Variants in PRCP observed in about 807,000 individuals in gnomAD.
The protein encoded by PRCP is prolylcarboxypeptidase.
A neutral mutation model predicts 54.2 loss-of-function variants in PRCP; 46 were observed. The observed-to-expected ratio is 0.85, with a 90% CI of 0.67 to 1.09. The LOEUF is 1.09. Ranked by LOEUF, PRCP falls within the 50% of genes least tolerant of loss-of-function variation. PRCP has a pLI of 0.00. For synonymous variants in PRCP, 240 were observed against 212.2 expected (o/e 1.13, Z -1.14); for missense variants, 613 against 596.8 (o/e 1.03, Z -0.28).
intron 1 of PRCP, among the ~76,000 whole-genome samples, chr11:82,890,897 C>G (rs1022680499): frequency 6.6e-5 from 10 of 152,248 alleles, no homozygotes; most frequent in African/African-American, 2.4e-4. Flanking sequence ...ACTGTTCCTT[C>G]TCAGTCTCCT....
chr11:82,889,045 T>C (rs1024762116), intron 1 of PRCP, among the ~76,000 whole-genome samples: 8 of 121,916 alleles, frequency 6.6e-5, no homozygotes, highest in Admixed American at 2.5e-4. Flanking sequence ...ATTTGACCAA[T>C]CACACACTGT....
At chr11:82,899,282 G>C (rs1042954189) in intron 1 of PRCP, among the ~76,000 whole-genome samples, 3 of 152,164 alleles carry the variant, frequency 2.0e-5, no homozygotes, top group African/African-American at 7.2e-5. Flanking sequence ...CTAAGAGTAC[G>C]TTATCTGCTC....
At chr11:82,839,193 A>C in intron 7 of PRCP, 68 bp downstream of exon 7, 2 of 1,498,838 alleles carry the variant, frequency 1.3e-6, no homozygotes, top group Non-Finnish European at 1.8e-6. Flanking sequence ...GTGTACCCTG[A>C]TTTTTTTTTA....
intron 1 of PRCP, among the ~76,000 whole-genome samples, chr11:82,877,011 G>C (rs994625422): frequency 6.6e-6 from 1 of 152,214 alleles, no homozygotes; most frequent in Non-Finnish European, 1.5e-5. Context: ...GAACAACAAG[G>C]TCCAGGCTGA....
At chr11:82,879,431 A>C (rs935480548) in intron 1 of PRCP, among the ~76,000 whole-genome samples, 15 of 152,188 alleles carry the variant, frequency 9.9e-5, no homozygotes, top group African/African-American at 3.4e-4. Context: ...CCATTCGTCT[A>C]ATCTTTTTTC....
intron 2 of PRCP, among the ~76,000 whole-genome samples, chr11:82,857,150 G>A (rs7128287): frequency 0.12 from 17,760 of 151,580 alleles, 1,987 homozygotes; most frequent in African/African-American, 0.3. Flanking sequence ...AAAAGAGAAA[G>A]CAAAACAAAC....
At chr11:82,874,640 G>A (rs1317473998) in intron 1 of PRCP, among the ~76,000 whole-genome samples, 1 of 148,986 alleles carries the variant, frequency 6.7e-6, no homozygotes, top group African/African-American at 2.5e-5. Flanking sequence ...GCAATGAACT[G>A]TGATCACACC....
At chr11:82,854,604 T>C (rs765937625) in intron 2 of PRCP, among the ~76,000 whole-genome samples, 15 of 152,174 alleles carry the variant, frequency 9.9e-5, no homozygotes, top group Non-Finnish European at 2.1e-4. Flanking sequence ...GATTCAATAC[T>C]ATTGCTATCA....
At chr11:82,844,747 A>AAAAGAAAGAAAGAAAG (rs60498077) in intron 6 of PRCP, among the ~76,000 whole-genome samples, 4 of 136,096 alleles carry the variant, frequency 2.9e-5, no homozygotes, top group Non-Finnish European at 4.6e-5. Flanking sequence ...AAAAAAAAAA[A>AAAAGAAAGAAAGAAAG]AAAGAAAGAA....
intron 1 of PRCP, among the ~76,000 whole-genome samples, chr11:82,876,670 A>G (rs1312316457): frequency 2.6e-5 from 4 of 152,158 alleles, no homozygotes; most frequent in Non-Finnish European, 5.9e-5. Flanking sequence ...TCTTGCCGCC[A>G]CCATGTAAGA....
intron 8 of PRCP, chr11:82,826,103 C>A (rs1230339195): frequency 6.6e-6 from 1 of 152,208 alleles, no homozygotes; most frequent in Non-Finnish European, 1.5e-5. Flanking sequence ...GAAACCCATA[C>A]TCATTAGCAG....
At chr11:82,863,897 G>A (rs571011347) in intron 1 of PRCP, among the ~76,000 whole-genome samples, 5 of 152,146 alleles carry the variant, frequency 3.3e-5, no homozygotes, top group African/African-American at 1.2e-4. Context: ...AGCAGACTTC[G>A]GAGTTAAAAG....
In PRCP at chr11:82,850,520, C is replaced by A. The variant is rs1180379929; in HGVS notation, c.412-15G>T. 6 of 1,544,642 alleles carry A rather than the reference C, an allele frequency of 3.9e-6. No homozygotes were observed. The highest frequency in any genetic ancestry group is 1.8e-5 in the Admixed American group (1 of 54,314). On this transcript the variant is annotated splice_polypyrimidine_tract_variant and intron_variant, in intron 3 of 8. Transcript: ENST00000313010. ...TGTCTGGAATCCTAAAGAAATATAA[C>A]AAAGAACACGGGTATAAATGTGCAC...
intron 1 of PRCP, among the ~76,000 whole-genome samples, chr11:82,889,637 G>C (rs894500206): frequency 6.6e-6 from 1 of 152,092 alleles, no homozygotes; most frequent in African/African-American, 2.4e-5. Context: ...AAATGGAATG[G>C]GATTGATAAA....
chr11:82,837,792 T>G (rs935478279), intron 8 of PRCP, among the ~76,000 whole-genome samples: 1 of 152,202 alleles, frequency 6.6e-6, no homozygotes, highest in Non-Finnish European at 1.5e-5. Context: ...TAAGGAACAG[T>G]GTAATGTAGA....
intron 1 of PRCP, among the ~76,000 whole-genome samples, chr11:82,896,966 T>C (rs950120451): frequency 6.6e-6 from 1 of 152,116 alleles, no homozygotes; most frequent in African/African-American, 2.4e-5. Flanking sequence ...ATTCTCCCTC[T>C]TCACTACATC....
intron 6 of PRCP, among the ~76,000 whole-genome samples, chr11:82,841,930 C>T (rs957363577): frequency 5.9e-5 from 9 of 152,182 alleles, no homozygotes; most frequent in African/African-American, 1.9e-4. Context: ...TGAACCTGGA[C>T]ATAGATTCAG....
chr11:82,882,229 AC>A (rs1168687287), intron 1 of PRCP, among the ~76,000 whole-genome samples: 1 of 152,174 alleles, frequency 6.6e-6, no homozygotes, highest in Admixed American at 6.5e-5. Flanking sequence ...TTGAAAAAAA[AC>A]GTTTATAAGT....
chr11:82,828,130 T>C (rs2121051415), intron 8 of PRCP: 1 of 152,292 alleles, frequency 6.6e-6, no homozygotes, highest in East Asian at 1.9e-4. Flanking sequence ...TACAATTCTT[T>C]TATAAAAGAG....
Sources: allele counts gnomAD v4.1 joint callset (sites outside exome capture counted in the v4.1 genomes callset), GRCh38; gene constraint gnomAD v4.1.1; transcripts MANE v1.5; gene names NCBI Gene and HGNC (gene_info 2026-07-23, HGNC 2026-07-21).